Variants in TCF4 observed in about 807,000 individuals in gnomAD.
TCF4 encodes the protein transcription factor 4, also known as SL3-3 enhancer factor 2.
TCF4 carries 3 observed loss-of-function variants against 82.1 expected under a neutral mutation model. That is an observed-to-expected ratio of 0.04 (90% CI 0.02 to 0.09). The LOEUF (loss-of-function observed/expected upper bound fraction) is 0.09, where lower values mean the gene tolerates loss of function less well. Ranked by LOEUF, TCF4 falls within the 10% of genes least tolerant of loss-of-function variation. The pLI, the probability that TCF4 is intolerant of heterozygous loss-of-function variation, is 1.00. For missense variants in TCF4, 518 were observed against 852.7 expected (o/e 0.61, Z 4.89); for synonymous variants, 276 against 309.6 (o/e 0.89, Z 1.14).
intron 5 of TCF4, chr18:55,403,921 G>A: frequency 7.1e-7 from 1 of 1,408,986 alleles, no homozygotes; most frequent in Non-Finnish European, 9.2e-7. Context: ...ACACTTAATA[G>A]TGAGGCCAAA....
At chr18:55,365,156 AATATATATATATATAT>A (rs139574594) in intron 6 of TCF4, among the ~76,000 whole-genome samples, 49 of 83,538 alleles carry the variant, frequency 5.9e-4, no homozygotes, top group Admixed American at 2.7e-3. Context: ...CCATCTCCAA[AATATATATATATATAT>A]ATATATATAT....
At chr18:55,417,725 T>C (rs913695071) in intron 5 of TCF4, among the ~76,000 whole-genome samples, 6 of 152,174 alleles carry the variant, frequency 3.9e-5, no homozygotes, top group Non-Finnish European at 8.8e-5. Flanking sequence ...GACAACGTAA[T>C]GTAAAGATTT....
intron 5 of TCF4, among the ~76,000 whole-genome samples, chr18:55,412,758 T>C (rs943671700): frequency 1.3e-5 from 2 of 152,144 alleles, no homozygotes; most frequent in Non-Finnish European, 2.9e-5. Context: ...TTGGAATTTA[T>C]TGGAAAATAT....
chr18:55,425,313 A>G (rs4519414), intron 5 of TCF4, among the ~76,000 whole-genome samples: 146,721 of 151,652 alleles, frequency 0.97, 71,169 homozygotes, highest in East Asian at 1. Context: ...ATTCAAACAT[A>G]TTTTCAGAAT....
chr18:55,274,251 G>A (rs902522409), intron 10 of TCF4, among the ~76,000 whole-genome samples: 4 of 152,102 alleles, frequency 2.6e-5, no homozygotes, highest in African/African-American at 9.7e-5. Flanking sequence ...TAGGAGGTGG[G>A]AAAAGAGAAA....
At chr18:55,417,872 A>G (rs1242672322) in intron 5 of TCF4, among the ~76,000 whole-genome samples, 1 of 152,134 alleles carries the variant, frequency 6.6e-6, no homozygotes, top group Non-Finnish European at 1.5e-5. Flanking sequence ...ATTTCTCCCA[A>G]AGAATTCTCG....
chr18:55,345,462 T>C (rs1415375832), intron 8 of TCF4, among the ~76,000 whole-genome samples: 1 of 152,194 alleles, frequency 6.6e-6, no homozygotes, highest in Non-Finnish European at 1.5e-5. Context: ...AGTTTTGTCC[T>C]ATTTGAGATG....
At chr18:55,494,925 A>C (rs1418597284) in intron 3 of TCF4, among the ~76,000 whole-genome samples, 2 of 151,878 alleles carry the variant, frequency 1.3e-5, no homozygotes, top group Non-Finnish European at 2.9e-5. Flanking sequence ...CCTTATTGCA[A>C]CATCTATAAA....
intron 5 of TCF4, among the ~76,000 whole-genome samples, chr18:55,436,301 T>C (rs1603464233): frequency 6.6e-6 from 1 of 152,224 alleles, no homozygotes; most frequent in Non-Finnish European, 1.5e-5. Context: ...TGATTAATAA[T>C]TTAACTACTT....
At chr18:55,580,686 C>T (rs904077012) in intron 3 of TCF4, among the ~76,000 whole-genome samples, 4 of 151,450 alleles carry the variant, frequency 2.6e-5, no homozygotes, top group African/African-American at 4.8e-5. Context: ...GCATTTCGTG[C>T]GAAGCCTCAA....
chr18:55,496,392 G>A (rs568134710), intron 3 of TCF4: 3 of 142,446 alleles, frequency 2.1e-5, no homozygotes, highest in Non-Finnish European at 3.1e-5. Flanking sequence ...ATGTGTTCCA[G>A]TAAAACAAAA....
intron 8 of TCF4, among the ~76,000 whole-genome samples, chr18:55,343,446 T>C (rs977891427): frequency 6.6e-6 from 1 of 152,148 alleles, no homozygotes; most frequent in Admixed American, 6.6e-5. Context: ...TATGATTAAT[T>C]CCTCAGATGA....
chr18:55,516,411 A>C (rs187637670), intron 3 of TCF4, among the ~76,000 whole-genome samples: 48 of 152,090 alleles, frequency 3.2e-4, no homozygotes, highest in African/African-American at 1.2e-3. Context: ...TATAAGCAAA[A>C]TGAAGGGAAA....
chr18:55,260,790 C>A (rs1402107998), intron 12 of TCF4, among the ~76,000 whole-genome samples: 1 of 152,120 alleles, frequency 6.6e-6, no homozygotes, highest in East Asian at 1.9e-4. Flanking sequence ...GAACTCCTGA[C>A]CTCAAGTGAT....
intron 3 of TCF4, among the ~76,000 whole-genome samples, chr18:55,499,957 C>A (rs1395613413): frequency 6.6e-6 from 1 of 151,872 alleles, no homozygotes; most frequent in Non-Finnish European, 1.5e-5. Flanking sequence ...CTGAGGCAGG[C>A]GGATCACACA....
intron 8 of TCF4, among the ~76,000 whole-genome samples, chr18:55,283,440 A>G (rs1259157293): frequency 1.3e-5 from 2 of 152,220 alleles, no homozygotes; most frequent in African/African-American, 2.4e-5. Flanking sequence ...TATCGGTTTC[A>G]CTTACGGACA....
chr18:55,349,231 C>T (rs2081836232), intron 8 of TCF4, among the ~76,000 whole-genome samples: 1 of 152,042 alleles, frequency 6.6e-6, no homozygotes, highest in Non-Finnish European at 1.5e-5. Context: ...AATCAGCATA[C>T]AAAATTTACT....
At chr18:55,272,762 C>T (rs576351408) in intron 10 of TCF4, among the ~76,000 whole-genome samples, 1 of 152,070 alleles carries the variant, frequency 6.6e-6, no homozygotes, top group Non-Finnish European at 1.5e-5. Context: ...CCTCTACGCA[C>T]TGGATTCCAG....
At chr18:55,250,648 A>C (rs1397212134) in intron 15 of TCF4, among the ~76,000 whole-genome samples, 1 of 152,182 alleles carries the variant, frequency 6.6e-6, no homozygotes, top group Non-Finnish European at 1.5e-5. Flanking sequence ...GCCTAAGACA[A>C]CACATGCAGA....
Sources: allele counts gnomAD v4.1 joint callset (sites outside exome capture counted in the v4.1 genomes callset), GRCh38; gene constraint gnomAD v4.1.1; transcripts MANE v1.5; gene names NCBI Gene and HGNC (gene_info 2026-07-23, HGNC 2026-07-21).